CEP85L: variants seen among roughly 807,000 people sequenced by gnomAD.
CEP85L encodes the protein centrosomal protein of 85 kDa-like.
A neutral mutation model predicts 100.3 loss-of-function variants in CEP85L; 60 were observed. That is an observed-to-expected ratio of 0.60 (90% CI 0.49 to 0.74). The LOEUF (loss-of-function observed/expected upper bound fraction) is 0.74, where lower values mean the gene tolerates loss of function less well. Among genes scored for constraint, CEP85L ranks in the 30% least tolerant of loss-of-function variants. CEP85L has a pLI of 0.00. For missense variants in CEP85L, 973 were observed against 936.2 expected, an observed-to-expected ratio of 1.04 and a Z score of -0.51; for synonymous variants, 319 against 322.7, an observed-to-expected ratio of 0.99 and a Z score of 0.12.
At position 118,481,910 on chromosome 6, in the gene CEP85L, A is replaced by AT. The variant is rs1554203314; in HGVS notation, c.1613dup (p.Asn538LysfsTer2). On this transcript the variant is annotated frameshift_variant, in exon 8 of 13. Transcript: ENST00000368491. LOFTEE classifies it high-confidence loss of function. ...CTATCAAAGCCTCTTGTAAATTCTTATTTTTTTCTTCCAGAATCTGCAGCT... is the reference window on the plus strand; with the variant it reads ...CTATCAAAGCCTCTTGTAAATTCTTATTTTTTTTCTTCCAGAATCTGCAGCT... The AT allele has an allele frequency of 3.8e-6, 6 of 1,563,058 alleles. No individual in the cohort carries two copies. The highest frequency in any genetic ancestry group is 3.8e-5 in the Admixed American group (2 of 53,036).
intron 2 of CEP85L, among the ~76,000 whole-genome samples, chr6:118,567,229 GTGTGTGTGTGTGTGTGTGTGTATA>G (rs1404961267): frequency 1.4e-4 from 11 of 79,566 alleles, no homozygotes; most frequent in African/African-American, 5.4e-4. Flanking sequence ...GTGTGTGTGT[GTGTGTGTGTGTGTGTGTGTGTATA>G]TATATATATA....
At position 118,559,075 on chromosome 6, in the gene CEP85L, C is replaced by A. The variant is rs2114970391; in HGVS notation, c.1020+6454G>T. On this transcript the variant is annotated intron_variant, in intron 3 of 12. Coordinates refer to ENST00000368491, the MANE Select transcript of CEP85L (RefSeq NM_001042475.3). ...GCTGATCTGTATCATCGTGATGCTT[C>A]TCTGAAGTTCTGCTACAACCTCTAG... 5 of 1,610,016 alleles carry A rather than the reference C, an allele frequency of 3.1e-6. No homozygotes were observed. The highest frequency in any genetic ancestry group is 4.3e-6 in the Non-Finnish European group (5 of 1,176,258).
chr6:118,623,420 T>C (rs2115285154), intron 2 of CEP85L, among the ~76,000 whole-genome samples: 1 of 152,312 alleles, frequency 6.6e-6, no homozygotes, highest in Admixed American at 6.5e-5. Flanking sequence ...CATGAAATAA[T>C]TCCTATATTC....
intron 3 of CEP85L, among the ~76,000 whole-genome samples, chr6:118,561,323 T>C (rs1779210646): frequency 6.6e-6 from 1 of 152,222 alleles, no homozygotes; most frequent in African/African-American, 2.4e-5. Flanking sequence ...TCATATTCCT[T>C]TGATTACACT....
Position 118,549,736 on chromosome 6 carries a change from T to C in CEP85L, c.1020+15793A>G, listed in dbSNP as rs75425489. ...ATTTGTGCATTTTTATTCAAATATC[T>C]ATCAAATTACATTCTCACACTTCAA... On this transcript the variant is annotated intron_variant, in intron 3 of 12. Transcript: ENST00000368491. 3.7e-3 allele frequency among the ~76,000 whole-genome samples: 564 copies of C among 152,036 alleles called. 3 individuals are homozygous for C. Among genetic ancestry groups the C allele is most frequent in the African/African-American group, 0.013 (538 of 41,566 alleles).
chr6:118,574,968 G>T (rs1333532473), intron 2 of CEP85L, among the ~76,000 whole-genome samples: 4 of 152,100 alleles, frequency 2.6e-5, no homozygotes, highest in South Asian at 2.1e-4. Context: ...GAAACCTCCA[G>T]TTGGTTGGGG....
At chr6:118,510,952 T>C (rs1775930633) in intron 5 of CEP85L, among the ~76,000 whole-genome samples, 1 of 152,074 alleles carries the variant, frequency 6.6e-6, no homozygotes, top group Admixed American at 6.6e-5. Flanking sequence ...TAATTGTATA[T>C]AACATTTAAA....
Position 118,583,625 on chromosome 6 carries a change from C to G in CEP85L, c.233-17309G>C, listed in dbSNP as rs145362409. Among the ~76,000 whole-genome samples the G allele has an allele frequency of 3.7e-3, 565 of 152,252 alleles. 3 individuals carry two copies. Among genetic ancestry groups the G allele is most frequent in the African/African-American group, 0.013 (539 of 41,548 alleles). Reference sequence around the variant, plus strand: ...AGAATAGGTTGAGCTATAACCACTACGCCAGTCCAGATCTATCTTAAGGAT... The same window carrying G: ...AGAATAGGTTGAGCTATAACCACTAGGCCAGTCCAGATCTATCTTAAGGAT... On this transcript the variant is annotated intron_variant, in intron 2 of 12. Transcript: ENST00000368491.
At chr6:118,616,627 C>T (rs1192647664) in intron 2 of CEP85L, among the ~76,000 whole-genome samples, 4 of 141,554 alleles carry the variant, frequency 2.8e-5, no homozygotes, top group Non-Finnish European at 6.1e-5. Context: ...GCCTGGGCAA[C>T]ACTGCAGGAC....
chr6:118,543,188 G>A (rs550939270), intron 3 of CEP85L, among the ~76,000 whole-genome samples: 1 of 151,614 alleles, frequency 6.6e-6, no homozygotes, highest in South Asian at 2.1e-4. Context: ...ATTGTTTTTT[G>A]ATGTTACACA....
At chr6:118,568,695 A>G (rs909374971) in intron 2 of CEP85L, among the ~76,000 whole-genome samples, 9 of 152,202 alleles carry the variant, frequency 5.9e-5, no homozygotes, top group African/African-American at 2.2e-4. Flanking sequence ...AGAGTTGCCA[A>G]TGGATTAAAG....
chr6:118,692,116 T>C (rs1777063994), intron 1 of CEP85L, among the ~76,000 whole-genome samples: 1 of 152,056 alleles, frequency 6.6e-6, no homozygotes, highest in Admixed American at 6.5e-5. Context: ...CCTTTCTGGG[T>C]CTTAATGATG....
chr6:118,693,454 C>T (rs541159193), intron 1 of CEP85L, among the ~76,000 whole-genome samples: 1 of 152,162 alleles, frequency 6.6e-6, no homozygotes. Context: ...TGTAAAGAAA[C>T]ATTTCATTCT....
chr6:118,463,083 A>G lies in CEP85L; in HGVS notation c.*2322T>C, dbSNP rs1772311471. Reference sequence around the variant, plus strand: ...GCAGTAGTTTTGTTAACTTCCTACTAAGTCAGAAATTTTTTAACTTTGGAA... The same window carrying G: ...GCAGTAGTTTTGTTAACTTCCTACTGAGTCAGAAATTTTTTAACTTTGGAA... On this transcript the variant is annotated 3_prime_UTR_variant, in exon 13 of 13. Transcript: ENST00000368491. The G allele has an allele frequency of 6.6e-6, 1 of 151,622 alleles. No individual in the cohort carries two copies. The highest frequency in any genetic ancestry group is 2.1e-4 in the South Asian group (1 of 4,820). The allele number at this position is 151,622 out of a possible 1,614,324, so 9.4% of individuals were successfully genotyped here.
intron 11 of CEP85L, 68 bp downstream of exon 11, chr6:118,470,469 A>G (rs990245355): frequency 9.7e-6 from 8 of 822,534 alleles, no homozygotes; most frequent in Non-Finnish European, 1.5e-5. Context: ...TGCTCTATTA[A>G]TATCTATAAA....
At position 118,600,300 on chromosome 6, in the gene CEP85L, G is replaced by GGGGGTGTGTGTGTGTGTGTGTGTGTGT. The variant is rs1562297733; in HGVS notation, c.232+32152_232+32153insACACACACACACACACACACACACCCC. On this transcript the variant is annotated intron_variant, in intron 2 of 12. Coordinates refer to ENST00000368491, the MANE Select transcript of CEP85L (RefSeq NM_001042475.3). ...CTGCCTGTCCCTGAGCCTTCCTGGG[G>GGGGGTGTGTGTGTGTGTGTGTGTGTGT]GTGTGTGTGTGTGTGTGTGTGTGTG... Among the ~76,000 whole-genome samples, 2 of 52,236 alleles carry GGGGGTGTGTGTGTGTGTGTGTGTGTGT rather than the reference G, an allele frequency of 3.8e-5. 1 individual carries two copies. The highest frequency in any genetic ancestry group is 8.1e-5 in the Non-Finnish European group (2 of 24,784). 34.3% of individuals were successfully genotyped at this position (52,236 alleles called of 152,430 possible). A position where few individuals can be genotyped will look rare whatever the true frequency, so the allele number is the denominator to read the frequency against.
intron 3 of CEP85L, among the ~76,000 whole-genome samples, chr6:118,544,517 C>T (rs903583915): frequency 1.4e-4 from 21 of 152,138 alleles, no homozygotes; most frequent in African/African-American, 4.1e-4. Context: ...CTTGAAGCCA[C>T]GTAGCATGCT....
chr6:118,625,069 C>A (rs1173898612), intron 2 of CEP85L, among the ~76,000 whole-genome samples: 1 of 152,212 alleles, frequency 6.6e-6, no homozygotes, highest in African/African-American at 2.4e-5. Context: ...CCACCTCAGT[C>A]CTAAACACCA....
intron 1 of CEP85L, among the ~76,000 whole-genome samples, chr6:118,688,986 A>G (rs986524424): frequency 6.6e-6 from 1 of 152,206 alleles, no homozygotes; most frequent in African/African-American, 2.4e-5. Flanking sequence ...TTCAAATGGA[A>G]AGCTCTGGAA....
Sources: gnomAD v4.1 joint callset for allele counts (sites outside exome capture counted in the v4.1 genomes callset) on GRCh38, gnomAD v4.1.1 for gene constraint, MANE v1.5 for transcripts, NCBI Gene and HGNC (gene_info 2026-07-23, HGNC 2026-07-21) for gene names.